RRBP1: variants seen among roughly 807,000 people sequenced by gnomAD.
RRBP1 encodes the protein ribosome-binding protein 1.
RRBP1 carries 94 observed loss-of-function variants against 165.2 expected under a neutral mutation model. The observed-to-expected ratio is 0.57, with a 90% CI of 0.48 to 0.68. RRBP1 has a LOEUF of 0.68. RRBP1 is among the 30% of genes least tolerant of loss of function. The pLI, the probability that RRBP1 is intolerant of heterozygous loss-of-function variation, is 0.00. For missense variants in RRBP1, 1,676 were observed against 1,763.0 expected (o/e 0.95, Z 0.88); for synonymous variants, 680 against 714.5 (o/e 0.95, Z 0.77).
chr20:17,615,636 G>T, intron 22 of RRBP1, 107 bp from the exon 23 acceptor site: 1 of 784,406 alleles, frequency 1.3e-6, no homozygotes, highest in Non-Finnish European at 2.0e-6. Flanking sequence ...CCAGCCTGAT[G>T]GAGCAACAGC....
At chr20:17,655,531 T>C (rs2036631097) in intron 3 of RRBP1, among the ~76,000 whole-genome samples, 1 of 152,224 alleles carries the variant, frequency 6.6e-6, no homozygotes, top group South Asian at 2.1e-4. Flanking sequence ...CAGGTTACTA[T>C]GGGATCTTCA....
At chr20:17,660,579 A>G in intron 2 of RRBP1, 51 bp from the exon 3 acceptor site, 1 of 1,089,336 alleles carries the variant, frequency 9.2e-7, no homozygotes, top group East Asian at 2.4e-5. Context: ...GGCCTTCAAC[A>G]GTTTCTATCC....
chr20:17,619,722 C>A lies in RRBP1; in HGVS notation c.3586G>T (p.Glu1196Ter). 1 of 1,610,940 alleles carries A rather than the reference C, an allele frequency of 6.2e-7. No individual in the cohort carries two copies. The highest frequency in any genetic ancestry group is 1.1e-5 in the South Asian group (1 of 90,748). The change falls in exon 19 of 25, where the codon GAG (glutamate) becomes TAG (stop). Residue 1196 changes from glutamate (E) to a stop codon, truncating the protein, a stop_gained. Transcript: ENST00000377813. LOFTEE classifies it high-confidence loss of function. ...TCTGCCTCCAAATGCGACGTGTGCT[C>A]CCTCACCTGGACAGATGCACAGACA... Reference protein sequence around the residue: ...GELESSDQVREHTSHLEAELE... With the variant: ...GELESSDQVR
intron 2 of RRBP1, among the ~76,000 whole-genome samples, chr20:17,662,206 T>C (rs1254893073): frequency 4.6e-5 from 7 of 150,870 alleles, no homozygotes; most frequent in Non-Finnish European, 8.8e-5. Context: ...GAGCTTGCAG[T>C]GAGCCAAGAT....
intron 2 of RRBP1, among the ~76,000 whole-genome samples, chr20:17,664,473 C>T (rs1176169436): frequency 2.0e-5 from 3 of 152,184 alleles, no homozygotes; most frequent in Non-Finnish European, 4.4e-5. Context: ...GACTGTAAGA[C>T]AAAAAGATGA....
At chr20:17,671,001 T>A (rs1030167807) in intron 2 of RRBP1, among the ~76,000 whole-genome samples, 2 of 152,212 alleles carry the variant, frequency 1.3e-5, no homozygotes, top group African/African-American at 4.8e-5. Context: ...AAATTATTCA[T>A]CTATGTGGTT....
Position 17,625,523 on chromosome 20 carries a change from C to A in RRBP1, c.3043G>T (p.Val1015Leu). ...CCTGCCGCACTCACATTGTTCTTCA[C>A]TTTCTGCTGCTCGACGGCCTCCCTG... is the stretch of plus-strand genomic sequence containing the variant. ...ELREAVEQQK[V>L]KNNDLREKNW... Residue 1015 changes from valine (V) to leucine (L), a missense_variant, in exon 12 of 25, where the codon GTG becomes TTG. Transcript: ENST00000377813. 1 of 1,613,874 alleles carries A rather than the reference C, an allele frequency of 6.2e-7. No individual in the cohort carries two copies. Among genetic ancestry groups the A allele is most frequent in the Non-Finnish European group, 8.5e-7 (1 of 1,179,910 alleles).
At chr20:17,653,245 C>T (rs2036589236) in intron 3 of RRBP1, among the ~76,000 whole-genome samples, 1 of 152,234 alleles carries the variant, frequency 6.6e-6, no homozygotes, top group African/African-American at 2.4e-5. Flanking sequence ...AGCAGACTAA[C>T]TGTGAGGAGA....
intron 2 of RRBP1, among the ~76,000 whole-genome samples, chr20:17,662,366 T>C (rs1271537407): frequency 1.3e-5 from 2 of 152,160 alleles, no homozygotes; most frequent in Non-Finnish European, 2.9e-5. Context: ...AAAACACTCA[T>C]GACGAAGAAA....
At position 17,659,682 on chromosome 20, in the gene RRBP1, G is replaced by T; in HGVS notation, c.826C>A (p.Pro276Thr). The T allele has an allele frequency of 6.5e-7, 1 of 1,550,348 alleles. No individual in the cohort carries two copies. Among genetic ancestry groups the T allele is most frequent in the Non-Finnish European group, 8.7e-7 (1 of 1,146,918 alleles). The stretch of plus-strand genomic sequence containing the variant: ...CCCTCCACCTTTTTCCCCTGGTTTG[G>T]GGTTGTATCTACCTTTTTACCCTGG... Reference protein sequence around the residue: ...QNQGKKVDTTPNQGKKVEGAP... With the variant: ...QNQGKKVDTTTNQGKKVEGAP... The change falls in exon 3 of 25, where the codon CCA becomes ACA. Residue 276 changes from proline to threonine, a missense_variant. Transcript: ENST00000377813.
At chr20:17,630,098 A>C (rs1600737464) in intron 8 of RRBP1, 137 bp from the exon 9 acceptor site, 1 of 914,408 alleles carries the variant, frequency 1.1e-6, no homozygotes, top group Non-Finnish European at 1.6e-6. Flanking sequence ...AAGGAAATGC[A>C]TCCCTCGAGG....
Position 17,618,659 on chromosome 20 carries a change from T to G in RRBP1, c.3696A>C (p.Glu1232Asp). Residue 1232 changes from glutamate to aspartate, a missense_variant, in exon 20 of 25, where the codon GAA becomes GAC. By Grantham distance (45) the Glu-to-Asp change is conservative (BLOSUM62 2). Transcript: ENST00000377813. Reference sequence around the variant, plus strand: ...TGGCGGCATCGAGCTGAGATTGAGATTCTAGGAGAAGTTGCCTCAGCTTGG... The same window carrying G: ...TGGCGGCATCGAGCTGAGATTGAGAGTCTAGGAGAAGTTGCCTCAGCTTGG... Reference protein sequence around the residue: ...EVAGLRQLLLESQSQLDAAKS... With the variant: ...EVAGLRQLLLDSQSQLDAAKS... 1 of 1,613,926 alleles carries G rather than the reference T, an allele frequency of 6.2e-7. No individual in the cohort carries two copies. Among genetic ancestry groups the G allele is most frequent in the Non-Finnish European group, 8.5e-7 (1 of 1,179,988 alleles).
At chr20:17,630,593 C>T (rs1388534072) in intron 8 of RRBP1, among the ~76,000 whole-genome samples, 1 of 152,212 alleles carries the variant, frequency 6.6e-6, no homozygotes, top group Admixed American at 6.5e-5. Flanking sequence ...AGTGTTTGCC[C>T]AGTTCCCGGC....
rs772448951 is a variant in RRBP1, at chr20:17,629,856, C to G, written c.2716G>C (p.Glu906Gln). Residue 906 changes from glutamate to glutamine, a missense_variant, in exon 9 of 25, where the codon GAG becomes CAG. Physicochemically the swap from Glu to Gln is conservative, Grantham distance 29. This residue lies in a region of RRBP1 where 1,184 missense variants were observed against 1,167.1 expected (regional missense o/e 1.01). Transcript: ENST00000377813. ...SSHASLRADAEKAQEQQQQMA... is the reference protein window; with the variant it reads ...SSHASLRADAQKAQEQQQQMA... ...TGCTGCTGTTGCTCCTGGGCCTTCT[C>G]GGCATCCGCCCGGAGGCTGGCGTGG... 8 of 1,599,628 alleles carry G rather than the reference C, an allele frequency of 5.0e-6. No individual in the cohort carries two copies. The South Asian group carries it at 7.7e-5, about 15-fold the overall frequency.
Position 17,654,133 on chromosome 20 carries a change from G to A in RRBP1, c.1912+4463C>T, listed in dbSNP as rs907300849. ...CTACCCGCTCAGACTGGTGTGGGCC[G>A]TCCACGTAACATAGACTCGACCTCC... is the stretch of plus-strand genomic sequence containing the variant. On this transcript the variant is annotated intron_variant, in intron 3 of 24. Coordinates refer to ENST00000377813, the MANE Select transcript of RRBP1 (RefSeq NM_001365613.2). Among the ~76,000 whole-genome samples the A allele has an allele frequency of 1.2e-4, 18 of 152,286 alleles. No homozygotes were observed. The South Asian group carries it at 2.1e-3, about 18-fold the overall frequency.
intron 1 of RRBP1, among the ~76,000 whole-genome samples, chr20:17,680,709 G>A (rs1013398545): frequency 1.3e-5 from 2 of 152,046 alleles, no homozygotes; most frequent in Admixed American, 6.5e-5. Context: ...ACGTGGTCCG[G>A]GGTGTAGAAC....
intron 2 of RRBP1, among the ~76,000 whole-genome samples, chr20:17,665,811 A>G (rs1339013074): frequency 6.6e-6 from 1 of 152,118 alleles, no homozygotes; most frequent in South Asian, 2.1e-4. Context: ...TTTATAAGTT[A>G]TTTTCTTCAA....
At position 17,658,718 on chromosome 20, in the gene RRBP1, C is replaced by T. The variant is rs1441609985; in HGVS notation, c.1790G>A (p.Gly597Asp). 5 of 1,614,246 alleles carry T rather than the reference C, an allele frequency of 3.1e-6. No homozygotes were observed. The South Asian group carries it at 3.3e-5, about 11-fold the overall frequency. ...GKKADAAANQGKKTESASVQG... is the reference protein window; with the variant it reads ...GKKADAAANQDKKTESASVQG... ...GACAGAAGCTGACTCTGTCTTTTTACCCTGATTGGCAGCTGCGTCTGCCTT... is the reference window on the plus strand; with the variant it reads ...GACAGAAGCTGACTCTGTCTTTTTATCCTGATTGGCAGCTGCGTCTGCCTT... Residue 597 changes from glycine to aspartate, a missense_variant, in exon 3 of 25, where the codon GGT becomes GAT. This residue lies in a region of RRBP1 where 1,184 missense variants were observed against 1,167.1 expected (regional missense o/e 1.01). Transcript: ENST00000377813.
intron 3 of RRBP1, among the ~76,000 whole-genome samples, chr20:17,651,955 T>TC (rs1264803689): frequency 6.6e-6 from 1 of 152,180 alleles, no homozygotes; most frequent in African/African-American, 2.4e-5. Context: ...CTGCCAGGTC[T>TC]CCCTCTGGGG....
Sources: gnomAD v4.1 joint callset for allele counts (sites outside exome capture counted in the v4.1 genomes callset) on GRCh38, gnomAD v4.1.1 for gene constraint, gnomAD v4.1.1 regional missense constraint, MANE v1.5 for transcripts, NCBI Gene and HGNC (gene_info 2026-07-23, HGNC 2026-07-21) for gene names.